The following MARCHF6 variants were observed in gnomAD, a reference collection of about 807,000 sequenced individuals.
MARCHF6 encodes membrane associated ring-CH-type finger 6, also known as E3 ubiquitin-protein ligase MARCHF6.
MARCHF6 carries 31 observed loss-of-function variants against 133.7 expected under a neutral mutation model. The observed-to-expected ratio is 0.23, with a 90% CI of 0.17 to 0.31. MARCHF6 has a LOEUF of 0.31. Ranked by LOEUF, MARCHF6 falls within the 10% of genes least tolerant of loss-of-function variation. The pLI is 1.00. For missense variants in MARCHF6, 723 were observed against 1,121.6 expected (o/e 0.64, Z 5.08); for synonymous variants, 395 against 402.5 (o/e 0.98, Z 0.22).
chr5:10,375,597 A>G (rs1013692482), intron 1 of MARCHF6, among the ~76,000 whole-genome samples: 1 of 152,244 alleles, frequency 6.6e-6, no homozygotes, highest in South Asian at 2.1e-4. Context: ...TGCGGGATCC[A>G]CTAGGTGAAG....
intron 16 of MARCHF6, among the ~76,000 whole-genome samples, chr5:10,405,901 C>G (rs2126774247): frequency 6.6e-6 from 1 of 152,182 alleles, no homozygotes; most frequent in Non-Finnish European, 1.5e-5. Context: ...CTTCCTTGTT[C>G]CATAGTAGTA....
intron 19 of MARCHF6, chr5:10,413,285 C>G (rs1384478685): frequency 6.6e-6 from 1 of 152,274 alleles, no homozygotes; most frequent in African/African-American, 2.4e-5. Flanking sequence ...ACAAAAAAGG[C>G]CTTCTGAGCA....
chr5:10,430,046 T>G lies in MARCHF6; in HGVS notation c.2642+18T>G. ...AATGACAAGTAAGTCTGGCGTTCTG[T>G]TCGTCTCTTGTTTAAGTGTTTTCAC... On this transcript the variant is annotated intron_variant, in intron 25 of 25. Coordinates refer to ENST00000274140, the MANE Select transcript of MARCHF6 (RefSeq NM_005885.4). The G allele has an allele frequency of 6.2e-7, 1 of 1,600,718 alleles. No homozygotes were observed. Among genetic ancestry groups the G allele is most frequent in the East Asian group, 2.2e-5 (1 of 44,536 alleles).
chr5:10,358,117 A>T (rs1561090975), intron 1 of MARCHF6, among the ~76,000 whole-genome samples: 1 of 152,168 alleles, frequency 6.6e-6, no homozygotes, highest in Non-Finnish European at 1.5e-5. Context: ...GGAGTTAGCC[A>T]TGCAGATACT....
intron 3 of MARCHF6, among the ~76,000 whole-genome samples, chr5:10,380,027 A>G (rs1469682980): frequency 6.6e-6 from 1 of 152,082 alleles, no homozygotes; most frequent in African/African-American, 2.4e-5. Context: ...GTGCCTATTA[A>G]TATTTAATAT....
intron 15 of MARCHF6, among the ~76,000 whole-genome samples, chr5:10,405,324 T>C (rs1738816255): frequency 6.6e-6 from 1 of 152,180 alleles, no homozygotes; most frequent in Non-Finnish European, 1.5e-5. Flanking sequence ...ATGTTTTTTT[T>C]TTCCCCCGCC....
intron 1 of MARCHF6, among the ~76,000 whole-genome samples, chr5:10,366,766 C>T (rs13359854): frequency 0.017 from 2,575 of 152,164 alleles, 78 homozygotes; most frequent in African/African-American, 0.058. Context: ...CATATTATTA[C>T]GAACAGGCTT....
At chr5:10,368,375 A>T (rs964502433) in intron 1 of MARCHF6, among the ~76,000 whole-genome samples, 1 of 152,152 alleles carries the variant, frequency 6.6e-6, no homozygotes, top group South Asian at 2.1e-4. Context: ...GCTCACACCT[A>T]TAATACTGGC....
intron 4 of MARCHF6, among the ~76,000 whole-genome samples, chr5:10,384,085 G>A (rs1285814328): frequency 6.6e-6 from 1 of 152,110 alleles, no homozygotes; most frequent in African/African-American, 2.4e-5. Flanking sequence ...TGGTATGGCA[G>A]CAATCAGATG....
chr5:10,431,951 A>G (rs1030881315), intron 25 of MARCHF6, among the ~76,000 whole-genome samples: 4 of 152,178 alleles, frequency 2.6e-5, no homozygotes, highest in Admixed American at 6.5e-5. Context: ...CAAAGTTTTA[A>G]AATCAGTGGT....
rs1258744004 is a variant in MARCHF6, at chr5:10,433,609, A to G, written c.2658A>G (p.Gln886=). Residue 886 remains glutamine, a synonymous_variant, in exon 26 of 26, where the codon CAA becomes CAG. Coordinates refer to ENST00000274140, the MANE Select transcript of MARCHF6 (RefSeq NM_005885.4). Reference sequence around the variant, plus strand: ...TGCAACCTAGGTACCTTGTGGGTCAACGACTCGTGAACTACGAACGGAAAT... The same window carrying G: ...TGCAACCTAGGTACCTTGTGGGTCAGCGACTCGTGAACTACGAACGGAAAT... ...HIKNDKYLVG[Q]RLVNYERKSG... 2.5e-6 allele frequency: 4 copies of G among 1,614,032 alleles called. No individual in the cohort carries two copies. The African/African-American group carries it at 4.0e-5, about 16-fold the overall frequency.
chr5:10,413,906 C>T (rs1224986227), intron 19 of MARCHF6, among the ~76,000 whole-genome samples: 3 of 152,170 alleles, frequency 2.0e-5, no homozygotes, highest in African/African-American at 7.2e-5. Flanking sequence ...CTTCTCAGTA[C>T]AGGAGCACTA....
intron 1 of MARCHF6, among the ~76,000 whole-genome samples, chr5:10,373,786 C>T (rs376981517): frequency 1.1e-4 from 16 of 152,338 alleles, no homozygotes; most frequent in African/African-American, 3.6e-4. Context: ...TACATCCACA[C>T]TTGCACCCAC....
intron 14 of MARCHF6, 128 bp from the exon 15 acceptor site, chr5:10,403,279 A>T: frequency 1.2e-6 from 1 of 801,882 alleles, no homozygotes; most frequent in Non-Finnish European, 2.0e-6. Context: ...GAATGACATT[A>T]AGTGAACTGC....
intron 4 of MARCHF6, 177 bp from the exon 5 acceptor site, chr5:10,386,817 A>G (rs576830594): frequency 4.1e-5 from 21 of 518,012 alleles, no homozygotes; most frequent in South Asian, 1.9e-4. Context: ...CATTGTCACT[A>G]TATTTGTGCT....
chr5:10,405,350 T>A (rs562994479), intron 15 of MARCHF6, among the ~76,000 whole-genome samples: 6 of 152,280 alleles, frequency 3.9e-5, no homozygotes, highest in South Asian at 2.1e-4. Flanking sequence ...TGAATGATGA[T>A]GTCAAAGGAC....
At chr5:10,423,705 A>G (rs1375371776) in intron 22 of MARCHF6, 30 bp from the exon 23 acceptor site, 3 of 1,471,508 alleles carry the variant, frequency 2.0e-6, no homozygotes, top group Non-Finnish European at 2.8e-6. Context: ...AAAACAACAG[A>G]AATATGTTAA....
intron 20 of MARCHF6, 120 bp downstream of exon 20, chr5:10,414,622 A>G: frequency 1.4e-6 from 1 of 722,482 alleles, no homozygotes; most frequent in Admixed American, 2.6e-5. Flanking sequence ...AGCTTACTGC[A>G]GCCTTGAACT....
intron 15 of MARCHF6, among the ~76,000 whole-genome samples, chr5:10,404,678 A>G (rs1447455179): frequency 6.6e-6 from 1 of 152,212 alleles, no homozygotes; most frequent in Admixed American, 6.5e-5. Flanking sequence ...AAGGGAACAC[A>G]AAAGCACAAA....
Sources: allele counts gnomAD v4.1 joint callset (sites outside exome capture counted in the v4.1 genomes callset), GRCh38; gene constraint gnomAD v4.1.1; transcripts MANE v1.5; gene names NCBI Gene and HGNC (gene_info 2026-07-23, HGNC 2026-07-21).